Variants in FANCA observed in about 807,000 individuals in gnomAD.
FANCA encodes the protein FA complementation group A, also known as Fanconi anemia group A protein.
A neutral mutation model predicts 194.3 loss-of-function variants in FANCA; 236 were observed. The ratio of observed to expected loss-of-function variants is 1.21; its 90% CI spans 1.09 to 1.35. FANCA has a LOEUF of 1.35. Among genes scored for constraint, FANCA ranks in the 40% most tolerant of loss-of-function variants. The pLI is 0.00. For missense variants in FANCA, 2,628 were observed against 1,813.9 expected (o/e 1.45, Z -8.15); for synonymous variants, 1,014 against 715.8 (o/e 1.42, Z -6.65).
intron 28 of FANCA, 120 bp from the exon 29 acceptor site, chr16:89,762,142 T>G (rs1046554158): frequency 8.7e-6 from 7 of 807,346 alleles, no homozygotes; most frequent in Admixed American, 7.3e-5. Flanking sequence ...TGTGTTATAA[T>G]GAAATTGCAG....
chr16:89,742,911 T>C lies in FANCA; in HGVS notation c.3654A>G (p.Pro1218=), dbSNP rs1800358. Residue 1218 remains proline (P), a synonymous_variant, in exon 37 of 43, where the codon CCA becomes CCG. Coordinates refer to ENST00000389301, the MANE Select transcript of FANCA (RefSeq NM_000135.4). ...SDFLSPEAAS[P]APNPDWLSAA... is the part of the protein sequence containing the mutation. Reference sequence around the variant, plus strand: ...CTGAGAGCCAGTCCGGGTTGGGTGCTGGGGAGGCAGCCTCAGGGGAGAGGA... The same window carrying C: ...CTGAGAGCCAGTCCGGGTTGGGTGCCGGGGAGGCAGCCTCAGGGGAGAGGA... 162,823 of 1,613,748 alleles carry C rather than the reference T, an allele frequency of 0.1. 9,353 individuals are homozygous for C. Among genetic ancestry groups the C allele is most frequent in the African/African-American group, 0.21 (15,949 of 74,976 alleles).
rs1006671791 is a variant in FANCA, at chr16:89,791,909, G to A, written c.1225+18C>T. ...ACACACTCTTGACCAGCACCACCGG[G>A]CTCGCGTAAAAGCTCACCTTCAAGC... On this transcript the variant is annotated intron_variant, in intron 13 of 42. Coordinates refer to ENST00000389301, the MANE Select transcript of FANCA (RefSeq NM_000135.4). 12 of 1,613,906 alleles carry A rather than the reference G, an allele frequency of 7.4e-6. No individual in the cohort carries two copies. Among genetic ancestry groups the A allele is most frequent in the Admixed American group, 1.7e-5 (1 of 59,980 alleles).
chr16:89,796,516 G>T (rs899830260), intron 10 of FANCA, among the ~76,000 whole-genome samples: 1 of 152,196 alleles, frequency 6.6e-6, no homozygotes, highest in Non-Finnish European at 1.5e-5. Flanking sequence ...GGAATGGAAG[G>T]GACTAAGGTT....
chr16:89,806,453 A>T (rs892015865), intron 6 of FANCA, among the ~76,000 whole-genome samples: 28 of 151,426 alleles, frequency 1.8e-4, no homozygotes, highest in African/African-American at 6.6e-4. Context: ...CAGATAAACA[A>T]GTGAACAAAG....
At chr16:89,788,594 T>C (rs2039970720) in intron 14 of FANCA, among the ~76,000 whole-genome samples, 1 of 152,202 alleles carries the variant, frequency 6.6e-6, no homozygotes, top group Non-Finnish European at 1.5e-5. Flanking sequence ...GCCAGGAATC[T>C]GAGACCAGCC....
intron 14 of FANCA, among the ~76,000 whole-genome samples, chr16:89,786,260 C>T (rs567745458): frequency 6.6e-6 from 1 of 152,060 alleles, no homozygotes; most frequent in Non-Finnish European, 1.5e-5. Flanking sequence ...CTCGGCTTAC[C>T]GTAACCTCCG....
chr16:89,795,444 C>G (rs2040211847), intron 11 of FANCA, among the ~76,000 whole-genome samples: 1 of 152,108 alleles, frequency 6.6e-6, no homozygotes, highest in Non-Finnish European at 1.5e-5. Flanking sequence ...CGAGGCCAGC[C>G]TGGCCAACAT....
intron 14 of FANCA, chr16:89,790,915 G>T (rs373675122): frequency 5.1e-6 from 1 of 197,066 alleles, no homozygotes. Flanking sequence ...CTGCAGCCTT[G>T]ATCTCCCAGG....
At chr16:89,775,308 C>A (rs1037775552) in intron 21 of FANCA, among the ~76,000 whole-genome samples, 1 of 152,212 alleles carries the variant, frequency 6.6e-6, no homozygotes, top group Non-Finnish European at 1.5e-5. Flanking sequence ...CTGCTCCCCA[C>A]AGGCCAAAAG....
chr16:89,801,344 A>G (rs1454237667), intron 8 of FANCA, among the ~76,000 whole-genome samples: 1 of 25,164 alleles, frequency 4.0e-5, no homozygotes, highest in Non-Finnish European at 6.6e-5. Context: ...ACTCTGTCTC[A>G]AAAAAAAAAA....
chr16:89,813,567 G>A (rs893607753), intron 3 of FANCA, among the ~76,000 whole-genome samples: 1 of 151,968 alleles, frequency 6.6e-6, no homozygotes, highest in Non-Finnish European at 1.5e-5. Flanking sequence ...TGAATAGCTG[G>A]GACTACAGGC....
rs9282682 is a variant in FANCA, at chr16:89,739,386, A to G, written c.4010+92T>C. On this transcript the variant is annotated intron_variant, in intron 40 of 42. Transcript: ENST00000389301. ...GCTCATCTGTGGAGCAGAGGCACAG[A>G]CAACCCTTCCCATCTGGCGGGACCC... The G allele has an allele frequency of 0.096, 152,262 of 1,581,434 alleles. 8,139 individuals are homozygous for G. The highest frequency in any genetic ancestry group is 0.17 in the East Asian group (7,576 of 44,138).
chr16:89,811,652 T>C (rs1273374692), intron 3 of FANCA, among the ~76,000 whole-genome samples: 2 of 152,200 alleles, frequency 1.3e-5, no homozygotes, highest in Admixed American at 1.3e-4. Flanking sequence ...TTCAATAAAG[T>C]GAGAAACGGT....
At chr16:89,772,024 G>C (rs2039343945) in intron 22 of FANCA, among the ~76,000 whole-genome samples, 2 of 152,310 alleles carry the variant, frequency 1.3e-5, no homozygotes, top group Admixed American at 6.5e-5. Flanking sequence ...AATGGGGCCA[G>C]ACGCCATCCA....
chr16:89,739,562 C>G lies in FANCA; in HGVS notation c.3935-9G>C, dbSNP rs9282680. On this transcript the variant is annotated splice_polypyrimidine_tract_variant and intron_variant, in intron 39 of 42. Coordinates refer to ENST00000389301, the MANE Select transcript of FANCA (RefSeq NM_000135.4). ...CCGCCCCAGCCTGAGGTCTGCAACA[C>G]CAAGAAGTGGCTCAGGCAACTCTGG... 4.5e-6 allele frequency: 7 copies of G among 1,551,068 alleles called. No individual in the cohort carries two copies. The highest frequency in any genetic ancestry group is 1.7e-4 in the Middle Eastern group (1 of 5,982).
At chr16:89,794,540 A>C (rs2040179723) in intron 11 of FANCA, among the ~76,000 whole-genome samples, 1 of 152,164 alleles carries the variant, frequency 6.6e-6, no homozygotes, top group Admixed American at 6.5e-5. Context: ...TGTCTCAAAA[A>C]AATAAATAAA....
rs1373593248 is a variant in FANCA, at chr16:89,738,191, C to A, written c.*410G>T. The A allele has an allele frequency of 6.2e-7, 1 of 1,611,620 alleles. No homozygotes were observed. The highest frequency in any genetic ancestry group is 1.3e-5 in the African/African-American group (1 of 75,002). Reference sequence around the variant, plus strand: ...CTGGAGGCGGAACCACCACCTGGGCCACCGAGCCCCTCTGTGACCACAGAG... The same window carrying A: ...CTGGAGGCGGAACCACCACCTGGGCAACCGAGCCCCTCTGTGACCACAGAG... On this transcript the variant is annotated 3_prime_UTR_variant, in exon 43 of 43. Transcript: ENST00000389301.
chr16:89,793,508 C>T (rs968905464), intron 11 of FANCA, among the ~76,000 whole-genome samples: 8 of 152,142 alleles, frequency 5.3e-5, no homozygotes, highest in Non-Finnish European at 1.0e-4. Context: ...AGATCTATAT[C>T]TGGTATAACT....
intron 31 of FANCA, among the ~76,000 whole-genome samples, chr16:89,750,482 C>CA (rs745845600): frequency 0.056 from 6,117 of 109,588 alleles, 316 homozygotes; most frequent in African/African-American, 0.14. Context: ...GACTCCGTCT[C>CA]AAAAAAAAAC....
Sources: gnomAD v4.1 joint callset for allele counts (sites outside exome capture counted in the v4.1 genomes callset) on GRCh38, gnomAD v4.1.1 for gene constraint, MANE v1.5 for transcripts, NCBI Gene and HGNC (gene_info 2026-07-23, HGNC 2026-07-21) for gene names.